HEATR5B: variants seen among roughly 807,000 people sequenced by gnomAD.
HEATR5B encodes the protein HEAT repeat-containing protein 5B.
A neutral mutation model predicts 224.1 loss-of-function variants in HEATR5B; 156 were observed. The ratio of observed to expected loss-of-function variants is 0.70; its 90% confidence interval spans 0.61 to 0.80. The LOEUF is 0.80. Ranked by LOEUF, HEATR5B falls within the 30% of genes least tolerant of loss-of-function variation. The probability of loss-of-function intolerance (pLI) is 0.00; values close to 1 mark genes in which losing one functional copy is unlikely to be tolerated. For missense variants in HEATR5B, 2,323 were observed against 2,535.5 expected (o/e 0.92, Z 1.80); for synonymous variants, 1,027 against 893.0 (o/e 1.15, Z -2.68).
intron 24 of HEATR5B, among the ~76,000 whole-genome samples, chr2:37,023,013 G>C (rs1232371438): frequency 6.6e-6 from 1 of 151,968 alleles, no homozygotes; most frequent in East Asian, 1.9e-4. Context: ...AAATGAAAAA[G>C]ATAAGATAAT....
intron 35 of HEATR5B, among the ~76,000 whole-genome samples, chr2:36,986,344 T>C (rs1252857383): frequency 6.6e-6 from 1 of 152,248 alleles, no homozygotes; most frequent in East Asian, 1.9e-4. Context: ...AACATAGTAA[T>C]ACTTGCTTCT....
intron 5 of HEATR5B, among the ~76,000 whole-genome samples, chr2:37,074,653 T>A (rs1428931378): frequency 6.6e-6 from 1 of 152,150 alleles, no homozygotes; most frequent in African/African-American, 2.4e-5. Context: ...AAATCACATA[T>A]CTGATAAAGG....
At chr2:37,026,779 T>C (rs1228468520) in intron 24 of HEATR5B, among the ~76,000 whole-genome samples, 1 of 152,230 alleles carries the variant, frequency 6.6e-6, no homozygotes, top group Non-Finnish European at 1.5e-5. Context: ...TCTCATTTTA[T>C]ACATGTTGTA....
chr2:37,047,913 A>G (rs1011999824), intron 18 of HEATR5B, among the ~76,000 whole-genome samples: 6 of 152,220 alleles, frequency 3.9e-5, no homozygotes, highest in African/African-American at 1.4e-4. Flanking sequence ...ATTACTTTAC[A>G]TAGCAGTATA....
At chr2:37,030,012 G>T (rs763237105) in intron 22 of HEATR5B, among the ~76,000 whole-genome samples, 10 of 151,670 alleles carry the variant, frequency 6.6e-5, no homozygotes, top group Non-Finnish European at 1.5e-4. Context: ...CAACCAAAAA[G>T]CAATGTTGTC....
chr2:37,006,996 G>T, intron 29 of HEATR5B, 54 bp downstream of exon 29: 4 of 1,548,150 alleles, frequency 2.6e-6, no homozygotes, highest in Non-Finnish European at 3.6e-6. Flanking sequence ...TAAAATGAAA[G>T]ATATGAATTT....
intron 27 of HEATR5B, 96 bp downstream of exon 27, chr2:37,013,744 TA>T: frequency 8.5e-7 from 1 of 1,170,352 alleles, no homozygotes; most frequent in Non-Finnish European, 1.2e-6. Context: ...GGTTAGTTTT[TA>T]AAAAACAAAA....
intron 35 of HEATR5B, among the ~76,000 whole-genome samples, chr2:36,984,200 C>CAAAAAAAAAAAAAAAAAAAAAAA (rs1208435239): frequency 6.9e-5 from 2 of 29,014 alleles, no homozygotes; most frequent in Middle Eastern, 0.016. Flanking sequence ...AACTCTGTCT[C>CAAAAAAAAAAAAAAAAAAAAAAA]AAAAAAAAAA....
chr2:37,048,130 T>C (rs944332461), intron 18 of HEATR5B, among the ~76,000 whole-genome samples: 1 of 151,988 alleles, frequency 6.6e-6, no homozygotes, highest in Non-Finnish European at 1.5e-5. Flanking sequence ...TGAAATGTCC[T>C]TGTGTTTCAT....
At chr2:37,031,435 T>TTTC (rs201031786) in intron 22 of HEATR5B, among the ~76,000 whole-genome samples, 62 of 127,478 alleles carry the variant, frequency 4.9e-4, no homozygotes, top group East Asian at 1.4e-3. Context: ...CTTTTCTTTC[T>TTTC]TTTTTTTTTT....
At chr2:37,032,861 C>A in intron 21 of HEATR5B, 88 bp from the exon 22 acceptor site, 5 of 980,438 alleles carry the variant, frequency 5.1e-6, no homozygotes, top group African/African-American at 1.7e-5. Context: ...TATATACATA[C>A]ATACATATAT....
intron 35 of HEATR5B, among the ~76,000 whole-genome samples, chr2:36,984,026 C>G (rs1269057947): frequency 6.7e-6 from 1 of 148,988 alleles, no homozygotes; most frequent in Non-Finnish European, 1.5e-5. Context: ...TGGTGAAACC[C>G]TATCTCTACT....
chr2:37,042,580 G>C (rs1040063539), intron 18 of HEATR5B, among the ~76,000 whole-genome samples: 1 of 152,184 alleles, frequency 6.6e-6, no homozygotes, highest in Non-Finnish European at 1.5e-5. Context: ...GTTTACAAAT[G>C]AATAGCTCAT....
chr2:37,062,044 C>G lies in HEATR5B; in HGVS notation c.1591G>C (p.Val531Leu), dbSNP rs772620308. ...CGTAAAAGATCTTCAGCAATACTAA[C>G]TACCATCTGCAAGAAAAGTTTAGAA... Reference protein sequence around the residue: ...GIPHAKGKMVVSIAEDLLRTA... With the variant: ...GIPHAKGKMVLSIAEDLLRTA... The change falls in exon 11 of 36, where the codon GTT (valine) becomes CTT (leucine). Residue 531 changes from valine (V) to leucine (L), a missense_variant. By Grantham distance (32) the Val-to-Leu change is conservative. Transcript: ENST00000233099. 1 of 1,588,072 alleles carries G rather than the reference C, an allele frequency of 6.3e-7. No homozygotes were observed. Among genetic ancestry groups the G allele is most frequent in the Non-Finnish European group, 8.6e-7 (1 of 1,156,770 alleles).
At chr2:37,006,129 A>G (rs377577879) in intron 29 of HEATR5B, among the ~76,000 whole-genome samples, 2 of 151,870 alleles carry the variant, frequency 1.3e-5, no homozygotes, top group Admixed American at 6.6e-5. Context: ...TCATGCATAC[A>G]AAGTTTTTAA....
intron 21 of HEATR5B, among the ~76,000 whole-genome samples, chr2:37,036,002 G>C (rs527243949): frequency 6.6e-6 from 1 of 152,180 alleles, no homozygotes; most frequent in African/African-American, 2.4e-5. Context: ...CCCACTAAGA[G>C]CCAATTAATG....
In HEATR5B at chr2:37,000,623, A is replaced by C. The variant is rs1379316622; in HGVS notation, c.5508T>G (p.Arg1836=). 1 of 1,614,222 alleles carries C rather than the reference A, an allele frequency of 6.2e-7. No homozygotes were observed. The change falls in exon 33 of 36, where the codon CGT becomes CGG. Residue 1836 remains arginine (R), a synonymous_variant. Transcript: ENST00000233099. ...GVQKQWTALI[R]STLACILEYS... Reference sequence around the variant, plus strand: ...ATTCCAGGATGCAAGCAAGCGTGCTACGAATCAGAGCTGTCCACTGTTTTT... The same window carrying C: ...ATTCCAGGATGCAAGCAAGCGTGCTCCGAATCAGAGCTGTCCACTGTTTTT...
intron 18 of HEATR5B, among the ~76,000 whole-genome samples, chr2:37,046,768 G>A (rs1670221848): frequency 6.6e-6 from 1 of 151,912 alleles, no homozygotes; most frequent in South Asian, 2.1e-4. Flanking sequence ...AAATGTGGCA[G>A]GCTGGGTGCA....
At chr2:37,078,701 C>T (rs1672376372) in intron 3 of HEATR5B, among the ~76,000 whole-genome samples, 1 of 152,102 alleles carries the variant, frequency 6.6e-6, no homozygotes, top group Non-Finnish European at 1.5e-5. Flanking sequence ...ATAATCTCTC[C>T]ATTTCCTCTG....
Sources: allele counts gnomAD v4.1 joint callset (sites outside exome capture counted in the v4.1 genomes callset), GRCh38; gene constraint gnomAD v4.1.1; transcripts MANE v1.5; gene names NCBI Gene and HGNC (gene_info 2026-07-23, HGNC 2026-07-21).